TCF23: variants seen among roughly 807,000 people sequenced by gnomAD.
TCF23 encodes class A basic helix-loop-helix protein 24.
A neutral mutation model predicts 13.0 loss-of-function variants in TCF23; 7 were observed. The ratio of observed to expected loss-of-function variants is 0.54; its 90% CI spans 0.31 to 1.01. The LOEUF is 1.01. TCF23 is among the 50% of genes least tolerant of loss of function. The probability of loss-of-function intolerance (pLI) is 0.06; values close to 1 mark genes in which losing one functional copy is unlikely to be tolerated. For missense variants in TCF23, 257 were observed against 289.8 expected, an observed-to-expected ratio of 0.89 and a Z score of 0.82; for synonymous variants, 122 against 119.5, an observed-to-expected ratio of 1.02 and a Z score of -0.14.
At position 27,150,209 on chromosome 2, in the gene TCF23, G is replaced by A; in HGVS notation, c.309G>A (p.Leu103=). Residue 103 remains leucine (L), a synonymous_variant, in exon 2 of 3, where the codon CTG becomes CTA. Coordinates refer to ENST00000296096, the MANE Select transcript of TCF23 (RefSeq NM_175769.3). The surrounding 1 kb of genome is among the most constrained non-coding windows in gnomAD (Gnocchi z 4.1). ...CCTTCTTGGCCTTGCAGGCTGCTCTGCCTGCCGTGCCGCCCGACACCAAGC... is the reference window on the plus strand; with the variant it reads ...CCTTCTTGGCCTTGCAGGCTGCTCTACCTGCCGTGCCGCCCGACACCAAGC... ...RQAFLALQAA[L]PAVPPDTKLS... 1 of 1,612,888 alleles carries A rather than the reference G, an allele frequency of 6.2e-7. No homozygotes were observed. Among genetic ancestry groups the A allele is most frequent in the Non-Finnish European group, 8.5e-7 (1 of 1,179,850 alleles).
chr2:27,152,754 G>A lies in TCF23; in HGVS notation c.532G>A (p.Ala178Thr). The change falls in exon 3 of 3, where the codon GCC becomes ACC. Residue 178 changes from alanine (A) to threonine (T), a missense_variant. Ala to Thr is a moderately conservative substitution (Grantham distance 58, BLOSUM62 0). Coordinates refer to ENST00000296096, the MANE Select transcript of TCF23 (RefSeq NM_175769.3). ...GTACTCCGATCTTGACTCCACCACA[G>A]CCAGCACCCCCAGCCAAAGAACAAG... ...LGYSDLDSTT[A>T]STPSQRTRDA... The A allele has an allele frequency of 6.2e-7, 1 of 1,614,128 alleles. No individual in the cohort carries two copies. Among genetic ancestry groups the A allele is most frequent in the Non-Finnish European group, 8.5e-7 (1 of 1,180,006 alleles).
At position 27,152,933 on chromosome 2, in the gene TCF23, C is replaced by A. The variant is rs1294958227; in HGVS notation, c.*66C>A. Reference sequence around the variant, plus strand: ...TTATGGGCCTGGATTTTCTACCAGCCCCCAGATTCTCAGCCATCAGACTTG... The same window carrying A: ...TTATGGGCCTGGATTTTCTACCAGCACCCAGATTCTCAGCCATCAGACTTG... On this transcript the variant is annotated 3_prime_UTR_variant, in exon 3 of 3. Coordinates refer to ENST00000296096, the MANE Select transcript of TCF23 (RefSeq NM_175769.3). 6.4e-7 allele frequency: 1 copy of A among 1,552,136 alleles called. No individual in the cohort carries two copies. The highest frequency in any genetic ancestry group is 8.7e-7 in the Non-Finnish European group (1 of 1,147,746).
Position 27,150,486 on chromosome 2 carries a change from G to A in TCF23, c.465+121G>A, listed in dbSNP as rs760009394. The A allele has an allele frequency of 4.7e-6, 7 of 1,494,594 alleles. No individual in the cohort carries two copies. Among genetic ancestry groups the A allele is most frequent in the African/African-American group, 2.8e-5 (2 of 71,806 alleles). 92.6% of individuals were successfully genotyped at this position (1,494,594 alleles called of 1,614,324 possible). A position where few individuals can be genotyped will look rare whatever the true frequency, so the allele number is the denominator to read the frequency against. On this transcript the variant is annotated intron_variant, in intron 2 of 2. Transcript: ENST00000296096. This position sits in a 1 kb window ranked among gnomAD's most constrained non-coding sequence, Gnocchi z 4.1. The stretch of plus-strand genomic sequence containing the variant: ...CCTGCCCTGTGCAGAACTGACGTCG[G>A]AGCCAATTTCTCCTGCTGTCTCAGA...
rs1672828043 is a variant in TCF23 at position 27,155,845 on chromosome 2, G to A, written c.*2978G>A. On this transcript the variant is annotated 3_prime_UTR_variant, in exon 3 of 3. Coordinates refer to ENST00000296096, the MANE Select transcript of TCF23 (RefSeq NM_175769.3). The stretch of plus-strand genomic sequence containing the variant: ...AATGACACTAGGGTGGCCTGGCTCA[G>A]GAGTTGGAGGCTCAGCTGCTCCATA... The A allele has an allele frequency of 6.6e-6, 1 of 152,336 alleles. No individual in the cohort carries two copies. Among genetic ancestry groups the A allele is most frequent in the Non-Finnish European group, 1.5e-5 (1 of 68,114 alleles). 9.4% of individuals were successfully genotyped at this position (152,336 alleles called of 1,614,324 possible).
chr2:27,152,226 G>T (rs897492183), intron 2 of TCF23, among the ~76,000 whole-genome samples: 25 of 152,240 alleles, frequency 1.6e-4, no homozygotes, highest in Non-Finnish European at 4.4e-5. Context: ...AGCTCCCTCA[G>T]CTCCCAGGTG....
chr2:27,150,259 T>C lies in TCF23; in HGVS notation c.359T>C (p.Leu120Pro). ...TKLSKLDVLV[L>P]AASYIAHLTR... ...CTCTCCAAGTTGGACGTGCTGGTGC[T>C]CGCCGCCAGCTACATAGCCCACCTC... The change falls in exon 2 of 3, where the codon CTC (leucine) becomes CCC (proline). Residue 120 changes from leucine (L) to proline (P), a missense_variant. By Grantham distance (98) the Leu-to-Pro change is moderately conservative (BLOSUM62 -3). Transcript: ENST00000296096. This position sits in a 1 kb window ranked among gnomAD's most constrained non-coding sequence, Gnocchi z 4.1. 6.2e-7 allele frequency: 1 copy of C among 1,613,716 alleles called. No individual in the cohort carries two copies. The highest frequency in any genetic ancestry group is 8.5e-7 in the Non-Finnish European group (1 of 1,179,958).
Position 27,150,117 on chromosome 2 carries a change from G to C in TCF23, c.223-6G>C. 1 of 1,598,328 alleles carries C rather than the reference G, an allele frequency of 6.3e-7. No individual in the cohort carries two copies. Among genetic ancestry groups the C allele is most frequent in the Non-Finnish European group, 8.5e-7 (1 of 1,176,328 alleles). ...TCACACACACTCACTGGGGCCCTCT[G>C]TGCAGAGCGAGGCCAGTCCTGAGAA... On this transcript the variant is annotated splice_polypyrimidine_tract_variant and splice_region_variant and intron_variant, in intron 1 of 2. Coordinates refer to ENST00000296096, the MANE Select transcript of TCF23 (RefSeq NM_175769.3). The surrounding 1 kb of genome is among the most constrained non-coding windows in gnomAD (Gnocchi z 4.1).
intron 1 of TCF23, chr2:27,149,789 C>T: frequency 1.6e-6 from 1 of 640,196 alleles, no homozygotes; most frequent in Middle Eastern, 2.5e-4. Context: ...CCCCTGGCCC[C>T]AGCACACCCT....
In TCF23 at chr2:27,154,166, C is replaced by T. The variant is rs1672803289; in HGVS notation, c.*1299C>T. 1 of 152,220 alleles carries T rather than the reference C, an allele frequency of 6.6e-6. No homozygotes were observed. The highest frequency in any genetic ancestry group is 6.5e-5 in the Admixed American group (1 of 15,280). 9.4% of individuals were successfully genotyped at this position (152,220 alleles called of 1,614,324 possible). A position where few individuals can be genotyped will look rare whatever the true frequency, so the allele number is the denominator to read the frequency against. Reference sequence around the variant, plus strand: ...GAAATGTGATATAGCTTCGGTGAAACTCATCTCTGGCCCTAAAGAAATAAC... The same window carrying T: ...GAAATGTGATATAGCTTCGGTGAAATTCATCTCTGGCCCTAAAGAAATAAC... On this transcript the variant is annotated 3_prime_UTR_variant, in exon 3 of 3. Transcript: ENST00000296096.
Position 27,150,319 on chromosome 2 carries a change from C to A in TCF23, c.419C>A (p.Ala140Asp). 6.2e-7 allele frequency: 1 copy of A among 1,613,734 alleles called. No individual in the cohort carries two copies. Among genetic ancestry groups the A allele is most frequent in the Non-Finnish European group, 8.5e-7 (1 of 1,179,994 alleles). ...CTCGGCCACGAGTTGCCTGGCCCTGCCTGGCCGCCCTTCCTGCGTGGACTC... is the reference window on the plus strand; with the variant it reads ...CTCGGCCACGAGTTGCCTGGCCCTGACTGGCCGCCCTTCCTGCGTGGACTC... ...RTLGHELPGPAWPPFLRGLRY... is the reference protein window; with the variant it reads ...RTLGHELPGPDWPPFLRGLRY... The change falls in exon 2 of 3, where the codon GCC (alanine) becomes GAC (aspartate). Residue 140 changes from alanine (A) to aspartate (D), a missense_variant. By Grantham distance (126) the Ala-to-Asp change is moderately radical. Transcript: ENST00000296096. The surrounding 1 kb of genome is among the most constrained non-coding windows in gnomAD (Gnocchi z 4.1).
Position 27,150,005 on chromosome 2 carries a change from TG to T in TCF23, c.223-116del. The T allele has an allele frequency of 6.8e-7, 1 of 1,465,528 alleles. No homozygotes were observed. Among genetic ancestry groups the T allele is most frequent in the Non-Finnish European group, 9.2e-7 (1 of 1,091,710 alleles). The allele number at this position is 1,465,528 out of a possible 1,614,324, so 90.8% of individuals were successfully genotyped here. ...ATGACGTAGGTGGGCAGAGGCCCTC[TG>T]GTGCCTACTGCTAGACACCCTTCTA... On this transcript the variant is annotated intron_variant, in intron 1 of 2. Coordinates refer to ENST00000296096, the MANE Select transcript of TCF23 (RefSeq NM_175769.3). The surrounding 1 kb of genome is among the most constrained non-coding windows in gnomAD (Gnocchi z 4.1).
At position 27,150,117 on chromosome 2, in the gene TCF23, G is replaced by A; in HGVS notation, c.223-6G>A. On this transcript the variant is annotated splice_polypyrimidine_tract_variant and splice_region_variant and intron_variant, in intron 1 of 2. Transcript: ENST00000296096. The surrounding 1 kb of genome is among the most constrained non-coding windows in gnomAD (Gnocchi z 4.1). ...TCACACACACTCACTGGGGCCCTCT[G>A]TGCAGAGCGAGGCCAGTCCTGAGAA... The A allele has an allele frequency of 1.3e-6, 2 of 1,598,328 alleles. No homozygotes were observed. The highest frequency in any genetic ancestry group is 1.7e-6 in the Non-Finnish European group (2 of 1,176,328).
At chr2:27,149,718 C>T (rs1388918964) in intron 1 of TCF23, 5 of 587,640 alleles carry the variant, frequency 8.5e-6, no homozygotes, top group African/African-American at 1.8e-5. Context: ...GCAGCCTCGT[C>T]GTCTCAGGAC....
chr2:27,154,324 G>A lies in TCF23; in HGVS notation c.*1457G>A, dbSNP rs918645642. On this transcript the variant is annotated 3_prime_UTR_variant, in exon 3 of 3. Coordinates refer to ENST00000296096, the MANE Select transcript of TCF23 (RefSeq NM_175769.3). ...AAATTTCAGCCCTTCAGAGTGGGAG[G>A]GGACGGGCATGACCAACTAGAGTCC... 6.6e-6 allele frequency: 1 copy of A among 152,156 alleles called. No individual in the cohort carries two copies. Among genetic ancestry groups the A allele is most frequent in the African/African-American group, 2.4e-5 (1 of 41,436 alleles). 9.4% of individuals were successfully genotyped at this position (152,156 alleles called of 1,614,324 possible).
Position 27,150,129 on chromosome 2 carries a change from G to T in TCF23, c.229G>T (p.Ala77Ser), listed in dbSNP as rs1202867156. The T allele has an allele frequency of 6.2e-7, 1 of 1,602,818 alleles. No individual in the cohort carries two copies. The highest frequency in any genetic ancestry group is 8.5e-7 in the Non-Finnish European group (1 of 1,178,088). ...AGGLALGRSEASPENAARERS... is the reference protein window; with the variant it reads ...AGGLALGRSESSPENAARERS... ...ACTGGGGCCCTCTGTGCAGAGCGAG[G>T]CCAGTCCTGAGAATGCCGCGCGGGA... The change falls in exon 2 of 3, where the codon GCC becomes TCC. Residue 77 changes from alanine (A) to serine (S), a missense_variant. Ala to Ser is a moderately conservative substitution (Grantham distance 99). Coordinates refer to ENST00000296096, the MANE Select transcript of TCF23 (RefSeq NM_175769.3). The surrounding 1 kb of genome is among the most constrained non-coding windows in gnomAD (Gnocchi z 4.1).
rs1253927223 is a variant in TCF23, at chr2:27,150,136, C to T, written c.236C>T (p.Pro79Leu). 10 of 1,605,206 alleles carry T rather than the reference C, an allele frequency of 6.2e-6. No homozygotes were observed. Among genetic ancestry groups the T allele is most frequent in the South Asian group, 1.1e-5 (1 of 90,900 alleles). ...CCCTCTGTGCAGAGCGAGGCCAGTC[C>T]TGAGAATGCCGCGCGGGAGCGGAGC... ...GLALGRSEAS[P>L]ENAARERSRV... The change falls in exon 2 of 3, where the codon CCT becomes CTT. Residue 79 changes from proline (P) to leucine (L), a missense_variant. Transcript: ENST00000296096. The surrounding 1 kb of genome is among the most constrained non-coding windows in gnomAD (Gnocchi z 4.1).
rs185034250 is a variant in TCF23 at position 27,149,264 on chromosome 2, C to G, written c.131C>G (p.Pro44Arg). The change falls in exon 1 of 3, where the codon CCG becomes CGG. Residue 44 changes from proline to arginine, a missense_variant. Transcript: ENST00000296096. Reference sequence around the variant, plus strand: ...CGCCTCAGCAGGACAAGGCAGGACCCGTGGGAAGAAAGAAGCTGGAGCAAC... The same window carrying G: ...CGCCTCAGCAGGACAAGGCAGGACCGGTGGGAAGAAAGAAGCTGGAGCAAC... ...RSRLSRTRQDPWEERSWSNQR... is the reference protein window; with the variant it reads ...RSRLSRTRQDRWEERSWSNQR... The G allele has an allele frequency of 1.3e-6, 2 of 1,591,190 alleles. No individual in the cohort carries two copies. The highest frequency in any genetic ancestry group is 1.8e-5 in the Admixed American group (1 of 56,380).
Position 27,153,066 on chromosome 2 carries a change from C to A in TCF23, c.*199C>A. On this transcript the variant is annotated 3_prime_UTR_variant, in exon 3 of 3. Transcript: ENST00000296096. The stretch of plus-strand genomic sequence containing the variant: ...CAGGTTGGAGAGCCTCCTCCTTGGT[C>A]CCCAGGAGGGGACTTCCCCATGGCT... 1 of 1,278,082 alleles carries A rather than the reference C, an allele frequency of 7.8e-7. No homozygotes were observed. Among genetic ancestry groups the A allele is most frequent in the Non-Finnish European group, 1.0e-6 (1 of 987,376 alleles). 79.2% of individuals were successfully genotyped at this position (1,278,082 alleles called of 1,614,324 possible).
At position 27,152,724 on chromosome 2, in the gene TCF23, C is replaced by T; in HGVS notation, c.502C>T (p.Leu168=). 6.2e-7 allele frequency: 1 copy of T among 1,614,092 alleles called. No homozygotes were observed. The highest frequency in any genetic ancestry group is 2.2e-5 in the East Asian group (1 of 44,868). ...GCGATCTCGTCTCTATGCTGGAGGC[C>T]TGGGGTACTCCGATCTTGACTCCAC... ...PMRSRLYAGG[L]GYSDLDSTTA... Residue 168 remains leucine, a synonymous_variant, in exon 3 of 3, where the codon CTG becomes TTG. Coordinates refer to ENST00000296096, the MANE Select transcript of TCF23 (RefSeq NM_175769.3).
Sources: gnomAD v4.1 joint callset for allele counts (sites outside exome capture counted in the v4.1 genomes callset) on GRCh38, gnomAD v4.1.1 for gene constraint, Gnocchi (gnomAD v3.1) non-coding constraint, MANE v1.5 for transcripts, NCBI Gene and HGNC (gene_info 2026-07-23, HGNC 2026-07-21) for gene names.